Variants in MAP3K15 observed in about 807,000 individuals in gnomAD.
The protein encoded by MAP3K15 is mitogen-activated protein kinase kinase kinase 15.
Under a neutral mutation model 99.5 loss-of-function variants are expected in MAP3K15, and 124 were observed. The observed-to-expected ratio is 1.25, with a 90% CI of 1.08 to 1.45. The LOEUF (loss-of-function observed/expected upper bound fraction) is 1.45. MAP3K15 is among the 40% of genes most tolerant of loss of function. The pLI, the probability that MAP3K15 is intolerant of heterozygous loss-of-function variation, is 0.00. For missense variants in MAP3K15, 1,242 were observed against 1,079.7 expected (o/e 1.15, Z -2.11); for synonymous variants, 494 against 439.6 (o/e 1.12, Z -1.55).
At chrX:19,460,697 T>A (rs1003762256) in intron 4 of MAP3K15, among the ~76,000 whole-genome samples, 1 of 111,768 alleles carries the variant, frequency 8.9e-6, no homozygotes, top group African/African-American at 3.2e-5. Context: ...GCCTGGAAAC[T>A]TACAGACAGC....
At chrX:19,381,685 G>A (rs1159571260) in intron 18 of MAP3K15, among the ~76,000 whole-genome samples, 1 of 112,497 alleles carries the variant, frequency 8.9e-6, no homozygotes, top group African/African-American at 3.2e-5. Flanking sequence ...TGGGCCCAGG[G>A]CTCTGGCTTT....
intron 3 of MAP3K15, among the ~76,000 whole-genome samples, chrX:19,472,575 A>C (rs1401521052): frequency 9.0e-6 from 1 of 111,588 alleles, no homozygotes; most frequent in African/African-American, 3.3e-5. Flanking sequence ...AATCCACAGG[A>C]ACAAATGAAA....
chrX:19,386,161 A>G (rs774376786), intron 18 of MAP3K15, among the ~76,000 whole-genome samples: 18 of 111,714 alleles, frequency 1.6e-4, no homozygotes, highest in African/African-American at 2.3e-4. Context: ...GTTTCCTTCA[A>G]TCTGGCTCTC....
intron 5 of MAP3K15, among the ~76,000 whole-genome samples, chrX:19,459,200 A>G: frequency 8.9e-6 from 1 of 112,043 alleles, no homozygotes; most frequent in Middle Eastern, 4.6e-3. Context: ...CATCAGTCTC[A>G]GTCTGAATCC....
At chrX:19,453,471 G>A (rs1339006219) in intron 6 of MAP3K15, among the ~76,000 whole-genome samples, 3 of 107,237 alleles carry the variant, frequency 2.8e-5, no homozygotes, top group African/African-American at 1.0e-4. Flanking sequence ...TTGCACTCCA[G>A]CCTGGGCGAC....
At chrX:19,393,357 A>G (rs780710563) in intron 16 of MAP3K15, among the ~76,000 whole-genome samples, 351 of 112,131 alleles carry the variant, frequency 3.1e-3, no homozygotes, top group African/African-American at 0.011. Context: ...GGGGCCGGGC[A>G]CGGTGGCTCA....
intron 1 of MAP3K15, among the ~76,000 whole-genome samples, chrX:19,493,613 A>G (rs911253976): frequency 8.9e-6 from 1 of 111,888 alleles, no homozygotes; most frequent in Non-Finnish European, 1.9e-5. Flanking sequence ...CTTTATCCCT[A>G]AAGAGAGCAC....
intron 13 of MAP3K15, among the ~76,000 whole-genome samples, chrX:19,402,140 TTTA>T (rs1272065411): frequency 1.1e-5 from 1 of 94,259 alleles, no homozygotes; most frequent in African/African-American, 5.9e-5. Flanking sequence ...TTTTTTTTTT[TTTA>T]AATTAGCCAG....
At chrX:19,399,687 T>C (rs1440679146) in intron 14 of MAP3K15, among the ~76,000 whole-genome samples, 5 of 101,520 alleles carry the variant, frequency 4.9e-5, no homozygotes, top group East Asian at 6.2e-4. Context: ...TAAGGCGAGA[T>C]TGCGCCACTG....
intron 3 of MAP3K15, among the ~76,000 whole-genome samples, chrX:19,478,416 C>T (rs927047445): frequency 9.4e-6 from 1 of 106,947 alleles, no homozygotes; most frequent in Non-Finnish European, 1.9e-5. Context: ...CAAAGCGTCC[C>T]TAAGCAATCC....
intron 9 of MAP3K15, among the ~76,000 whole-genome samples, chrX:19,415,468 G>C (rs939481692): frequency 8.0e-5 from 9 of 111,913 alleles, no homozygotes; most frequent in Non-Finnish European, 1.9e-5. Flanking sequence ...ATAACACAAC[G>C]TGGCTTTTTA....
chrX:19,506,463 T>A (rs1356630731), intron 1 of MAP3K15, among the ~76,000 whole-genome samples: 1 of 112,296 alleles, frequency 8.9e-6, no homozygotes, highest in African/African-American at 3.2e-5. Context: ...AGGAGTATCA[T>A]CAGACTAGAG....
At chrX:19,482,617 A>G (rs1019176319) in intron 3 of MAP3K15, among the ~76,000 whole-genome samples, 4 of 112,047 alleles carry the variant, frequency 3.6e-5, no homozygotes, top group African/African-American at 1.3e-4. Flanking sequence ...ATTGTCTGCA[A>G]ATAAGCATTT....
intron 11 of MAP3K15, among the ~76,000 whole-genome samples, chrX:19,410,349 C>G (rs778704865): frequency 1.4e-3 from 156 of 112,415 alleles, no homozygotes; most frequent in African/African-American, 4.8e-3. Context: ...TTGGGAGAGG[C>G]AAGACTGCGA....
chrX:19,397,634 AAAC>A (rs775183083), intron 15 of MAP3K15, among the ~76,000 whole-genome samples: 2 of 111,451 alleles, frequency 1.8e-5, no homozygotes, highest in South Asian at 7.6e-4. Flanking sequence ...ATATATTTGC[AAAC>A]AACTACGCAA....
At chrX:19,500,814 C>T (rs750104) in intron 1 of MAP3K15, among the ~76,000 whole-genome samples, 31,103 of 111,026 alleles carry the variant, frequency 0.28, 4,663 homozygotes, top group African/African-American at 0.58. Flanking sequence ...TCCAAAACTA[C>T]GTTTGGAAGT....
At chrX:19,418,182 G>A (rs1171060193) in intron 9 of MAP3K15, among the ~76,000 whole-genome samples, 2 of 112,201 alleles carry the variant, frequency 1.8e-5, no homozygotes, top group Non-Finnish European at 3.8e-5. Context: ...ATGGAACAAA[G>A]CTGGACGGAG....
At chrX:19,501,359 T>C (rs995342067) in intron 1 of MAP3K15, among the ~76,000 whole-genome samples, 4 of 112,137 alleles carry the variant, frequency 3.6e-5, no homozygotes, top group Non-Finnish European at 7.5e-5. Context: ...CGGTATTCCA[T>C]TCCCAGCAAT....
chrX:19,417,794 G>A (rs1011730400), intron 9 of MAP3K15, among the ~76,000 whole-genome samples: 4 of 112,137 alleles, frequency 3.6e-5, no homozygotes, highest in African/African-American at 6.5e-5. Flanking sequence ...GCACCCCCCA[G>A]TAGGGGCAGA....
Sources: gnomAD v4.1 joint callset for allele counts (sites outside exome capture counted in the v4.1 genomes callset) on GRCh38, gnomAD v4.1.1 for gene constraint, MANE v1.5 for transcripts, NCBI Gene and HGNC (gene_info 2026-07-23, HGNC 2026-07-21) for gene names.